CRY1: variants seen among roughly 807,000 people sequenced by gnomAD.
CRY1 encodes cryptochrome circadian regulator 1, also known as cryptochrome-1.
In CRY1, 45 loss-of-function variants were observed where a neutral mutation model predicts 76.0. That is an observed-to-expected ratio of 0.59 (90% CI 0.47 to 0.76). The LOEUF (loss-of-function observed/expected upper bound fraction) is 0.76. CRY1 is among the 30% of genes least tolerant of loss of function. The probability of loss-of-function intolerance (pLI) is 0.00; values close to 1 mark genes in which losing one functional copy is unlikely to be tolerated. For missense variants in CRY1, 587 were observed against 716.4 expected, an observed-to-expected ratio of 0.82 and a Z score of 2.06; for synonymous variants, 248 against 244.0, an observed-to-expected ratio of 1.02 and a Z score of -0.15.
chr12:107,069,219 C>T (rs1459704686), intron 1 of CRY1, among the ~76,000 whole-genome samples: 3 of 133,232 alleles, frequency 2.3e-5, no homozygotes, highest in East Asian at 2.4e-4. Flanking sequence ...AATTACTTTC[C>T]GTTTAAATTT....
intron 1 of CRY1, among the ~76,000 whole-genome samples, chr12:107,053,628 T>G (rs1952948480): frequency 6.6e-6 from 1 of 152,108 alleles, no homozygotes; most frequent in South Asian, 2.1e-4. Flanking sequence ...ACAAATGTAT[T>G]TCCAAAAAGA....
At chr12:107,073,360 A>G (rs1301588873) in intron 1 of CRY1, among the ~76,000 whole-genome samples, 1 of 151,840 alleles carries the variant, frequency 6.6e-6, no homozygotes, top group East Asian at 1.9e-4. Context: ...CAGCCTCCTG[A>G]GCAGCTGGGA....
chr12:107,025,989 T>A (rs753183890), intron 1 of CRY1, among the ~76,000 whole-genome samples: 21 of 149,928 alleles, frequency 1.4e-4, no homozygotes, highest in Non-Finnish European at 1.5e-5. Context: ...CACACTAACC[T>A]TAAATCTTCC....
In CRY1 at chr12:106,999,646, G is replaced by T. The variant is rs749506981; in HGVS notation, c.1042C>A (p.Arg348Ser). The change falls in exon 7 of 13, where the codon CGT becomes AGT. Residue 348 changes from arginine to serine, a missense_variant. Transcript: ENST00000008527. ...AGATGATGAATCCAACCCTCCTGAC[G>T]AAGCTGTGTCATGATGGCATCAATC... Reference protein sequence around the residue: ...PWIDAIMTQLRQEGWIHHLAR... With the variant: ...PWIDAIMTQLSQEGWIHHLAR... 4 of 1,614,116 alleles carry T rather than the reference G, an allele frequency of 2.5e-6. No individual in the cohort carries two copies. The highest frequency in any genetic ancestry group is 3.4e-6 in the Non-Finnish European group (4 of 1,180,050).
intron 1 of CRY1, among the ~76,000 whole-genome samples, chr12:107,048,235 C>T (rs1199955936): frequency 1.3e-5 from 2 of 152,074 alleles, no homozygotes; most frequent in African/African-American, 4.8e-5. Flanking sequence ...CACCTGCCAC[C>T]ACACCTGGCT....
chr12:107,051,337 T>C (rs1952917942), intron 1 of CRY1, among the ~76,000 whole-genome samples: 1 of 152,198 alleles, frequency 6.6e-6, no homozygotes, highest in African/African-American at 2.4e-5. Flanking sequence ...CTTATAGTCC[T>C]ACTGCTTTTA....
intron 2 of CRY1, among the ~76,000 whole-genome samples, chr12:107,015,167 C>T (rs12317445): frequency 0.041 from 6,265 of 152,232 alleles, 225 homozygotes; most frequent in African/African-American, 0.1. Context: ...TGAGCCACCA[C>T]GCCCAGCCTT....
intron 9 of CRY1, 37 bp from the exon 10 acceptor site, chr12:106,997,423 A>C (rs776249971): frequency 5.0e-6 from 8 of 1,611,932 alleles, no homozygotes; most frequent in Non-Finnish European, 6.8e-6. Flanking sequence ...AATTATGATC[A>C]AGATAAAATT....
intron 1 of CRY1, among the ~76,000 whole-genome samples, chr12:107,053,727 A>C (rs1347891492): frequency 1.3e-5 from 2 of 152,258 alleles, no homozygotes; most frequent in Admixed American, 6.5e-5. Context: ...ACAGGTTTCA[A>C]GGAGCACTGT....
chr12:107,012,011 G>A (rs1952450299), intron 2 of CRY1, among the ~76,000 whole-genome samples: 1 of 152,098 alleles, frequency 6.6e-6, no homozygotes, highest in Non-Finnish European at 1.5e-5. Flanking sequence ...CCAACATGGT[G>A]AAACCCTGTC....
chr12:107,011,914 G>C (rs1299953709), intron 2 of CRY1, among the ~76,000 whole-genome samples: 1 of 152,194 alleles, frequency 6.6e-6, no homozygotes, highest in Non-Finnish European at 1.5e-5. Context: ...TGCCAGGCCA[G>C]GCACTGTGGC....
At chr12:107,015,841 T>G (rs1244766050) in intron 2 of CRY1, among the ~76,000 whole-genome samples, 1 of 151,768 alleles carries the variant, frequency 6.6e-6, no homozygotes, top group African/African-American at 2.4e-5. Flanking sequence ...TATGCTACCA[T>G]GCCCAGCTAA....
Position 107,069,613 on chromosome 12 carries a change from A to AAGTATATATATAAAGTATATATAT in CRY1, c.158+23190_158+23191insATATATATACTTTATATATATACT, listed in dbSNP as rs1225916127. Among the ~76,000 whole-genome samples, 171 of 75,298 alleles carry AAGTATATATATAAAGTATATATAT rather than the reference A, an allele frequency of 2.3e-3. 1 individual carries two copies. The highest frequency in any genetic ancestry group is 7.2e-3 in the African/African-American group (162 of 22,566). The allele number at this position is 75,298 out of a possible 152,430, so 49.4% of individuals were successfully genotyped here. On this transcript the variant is annotated intron_variant, in intron 1 of 12. Coordinates refer to ENST00000008527, the MANE Select transcript of CRY1 (RefSeq NM_004075.5). ...TATATATATATAAAGTATATATATA[A>AAGTATATATATAAAGTATATATAT]AAAGTATATATATATAAAGTATATA...
intron 1 of CRY1, among the ~76,000 whole-genome samples, chr12:107,082,774 A>G (rs1953343191): frequency 6.6e-6 from 1 of 152,192 alleles, no homozygotes; most frequent in African/African-American, 2.4e-5. Flanking sequence ...CTAACATCAC[A>G]ATTAAAAGAA....
chr12:106,992,583 A>C, intron 12 of CRY1: 1 of 490,452 alleles, frequency 2.0e-6, no homozygotes, highest in Non-Finnish European at 3.7e-6. Context: ...GTTCAGATGA[A>C]TATAAAACTG....
At chr12:107,048,447 T>G (rs1952875124) in intron 1 of CRY1, among the ~76,000 whole-genome samples, 1 of 152,172 alleles carries the variant, frequency 6.6e-6, no homozygotes, top group African/African-American at 2.4e-5. Context: ...ATCTCTGTAT[T>G]TCTATATAGA....
At chr12:107,006,363 G>C (rs994897000) in intron 2 of CRY1, among the ~76,000 whole-genome samples, 1 of 151,342 alleles carries the variant, frequency 6.6e-6, no homozygotes, top group Non-Finnish European at 1.5e-5. Flanking sequence ...CGACAGGAGC[G>C]AGGCTCCATC....
intron 1 of CRY1, among the ~76,000 whole-genome samples, chr12:107,076,978 G>A (rs907369218): frequency 2.6e-5 from 4 of 152,086 alleles, no homozygotes; most frequent in African/African-American, 7.2e-5. Flanking sequence ...AAAAGCAGAC[G>A]CTGCTATGCT....
chr12:107,022,230 T>C (rs766359312), intron 1 of CRY1, 38 bp from the exon 2 acceptor site: 1 of 1,249,434 alleles, frequency 8.0e-7, no homozygotes, highest in Non-Finnish European at 1.1e-6. Flanking sequence ...TATTAAAAAA[T>C]ACATATTTAG....
Sources: allele counts gnomAD v4.1 joint callset (sites outside exome capture counted in the v4.1 genomes callset), GRCh38; gene constraint gnomAD v4.1.1; transcripts MANE v1.5; gene names NCBI Gene and HGNC (gene_info 2026-07-23, HGNC 2026-07-21).